EYS: variants seen among roughly 807,000 people sequenced by gnomAD.
The protein encoded by EYS is EGF-like photoreceptor maintenance factor.
Under a neutral mutation model 282.1 loss-of-function variants are expected in EYS, and 250 were observed. The ratio of observed to expected loss-of-function variants is 0.89; its 90% confidence interval spans 0.80 to 0.98. The LOEUF (loss-of-function observed/expected upper bound fraction) is 0.98. EYS is among the 50% of genes least tolerant of loss of function. The pLI, the probability that EYS is intolerant of heterozygous loss-of-function variation, is 0.00. For missense variants in EYS, 4,016 were observed against 3,709.0 expected (o/e 1.08, Z -2.15); for synonymous variants, 1,355 against 1,282.9 (o/e 1.06, Z -1.20).
intron 7 of EYS, among the ~76,000 whole-genome samples, chr6:65,390,519 G>C (rs989231448): frequency 7.2e-5 from 11 of 151,784 alleles, no homozygotes; most frequent in Non-Finnish European, 1.3e-4. Flanking sequence ...AGAATGAATA[G>C]TGACCAACTC....
chr6:64,115,386 A>G lies in EYS; in HGVS notation c.6425-33384T>C, dbSNP rs542700740. ...GCGCCACACACCAAACACCACTGCCATCACCACTGTGAGCATGCTCATAAG... is the reference window on the plus strand; with the variant it reads ...GCGCCACACACCAAACACCACTGCCGTCACCACTGTGAGCATGCTCATAAG... On this transcript the variant is annotated intron_variant, in intron 31 of 42. Coordinates refer to ENST00000503581, the MANE Select transcript of EYS (RefSeq NM_001142800.2). Among the ~76,000 whole-genome samples, 48 of 152,236 alleles carry G rather than the reference A, an allele frequency of 3.2e-4. No individual in the cohort carries two copies. In the Middle Eastern group the frequency reaches 0.014, roughly 43 times the overall value.
At position 64,146,281 on chromosome 6, in the gene EYS, CA is replaced by C. The variant is rs534350503; in HGVS notation, c.6425-64280del. Among the ~76,000 whole-genome samples the C allele has an allele frequency of 7.9e-4, 121 of 152,260 alleles. 1 individual carries two copies. The East Asian group carries it at 0.012, about 15-fold the overall frequency. On this transcript the variant is annotated intron_variant, in intron 31 of 42. Transcript: ENST00000503581. ...CACCTGGTATTATGATGAGGAATTA[CA>C]AATAGAAAAGTCATGTCAAAACATG...
chr6:64,570,593 C>A (rs1461539224), intron 26 of EYS, among the ~76,000 whole-genome samples: 1 of 151,882 alleles, frequency 6.6e-6, no homozygotes, highest in Non-Finnish European at 1.5e-5. Flanking sequence ...GAAATATTTA[C>A]CGAGCAAATT....
At chr6:65,024,571 T>A (rs989257075) in intron 13 of EYS, among the ~76,000 whole-genome samples, 2 of 151,998 alleles carry the variant, frequency 1.3e-5, no homozygotes, top group African/African-American at 4.8e-5. Context: ...TCTTCAAAAT[T>A]GTATTTTTGT....
intron 2 of EYS, among the ~76,000 whole-genome samples, chr6:65,593,126 C>T (rs561651759): frequency 3.9e-5 from 6 of 152,034 alleles, no homozygotes; most frequent in Non-Finnish European, 5.9e-5. Flanking sequence ...GTCTCTGATG[C>T]GTAACCATTA....
chr6:64,414,413 G>A (rs918057770), intron 28 of EYS, among the ~76,000 whole-genome samples: 1 of 151,950 alleles, frequency 6.6e-6, no homozygotes, highest in Non-Finnish European at 1.5e-5. Context: ...TCACTTTCCA[G>A]GCAGCCTTGA....
intron 35 of EYS, among the ~76,000 whole-genome samples, chr6:63,972,351 T>C (rs1766616232): frequency 6.6e-6 from 1 of 152,168 alleles, no homozygotes; most frequent in South Asian, 2.1e-4. Context: ...ATTCCCCCTC[T>C]ACACAAATGA....
chr6:65,692,992 A>C (rs1021836393), intron 1 of EYS, among the ~76,000 whole-genome samples: 2 of 150,120 alleles, frequency 1.3e-5, no homozygotes, highest in African/African-American at 4.9e-5. Flanking sequence ...TCAGACATCT[A>C]TTAAGCAAAT....
chr6:65,095,848 A>G (rs1774722994), intron 12 of EYS, among the ~76,000 whole-genome samples: 1 of 150,684 alleles, frequency 6.6e-6, no homozygotes, highest in Admixed American at 6.6e-5. Flanking sequence ...ATAATATTCA[A>G]GGGCAAAAAA....
chr6:64,951,319 CA>C (rs1769500727), intron 14 of EYS, among the ~76,000 whole-genome samples: 1 of 151,690 alleles, frequency 6.6e-6, no homozygotes, highest in Admixed American at 6.6e-5. Flanking sequence ...AGCAAAAAAA[CA>C]AAAACAAAAA....
intron 31 of EYS, among the ~76,000 whole-genome samples, chr6:64,131,489 C>T (rs1224521199): frequency 6.6e-6 from 1 of 152,110 alleles, no homozygotes; most frequent in African/African-American, 2.4e-5. Flanking sequence ...GCTGTACAGC[C>T]TCACATTGCC....
chr6:65,126,483 T>C (rs929267156), intron 12 of EYS, among the ~76,000 whole-genome samples: 4 of 152,164 alleles, frequency 2.6e-5, no homozygotes, highest in South Asian at 2.1e-4. Context: ...TCTAATTCTT[T>C]GTTGCATGTA....
At chr6:65,560,684 A>G (rs1169226274) in intron 2 of EYS, among the ~76,000 whole-genome samples, 4 of 152,000 alleles carry the variant, frequency 2.6e-5, no homozygotes, top group Non-Finnish European at 4.4e-5. Flanking sequence ...AAAAGCACAC[A>G]ACTTTTAAGT....
rs188531326 is a variant in EYS at position 65,231,015 on chromosome 6, A to G, written c.2023+64848T>C. Among the ~76,000 whole-genome samples, 770 of 148,810 alleles carry G rather than the reference A, an allele frequency of 5.2e-3. 6 individuals are homozygous for G. Among genetic ancestry groups the G allele is most frequent in the African/African-American group, 0.018 (738 of 40,938 alleles). ...AAACCTCCATGATACTAGTTTACCT[A>G]TGTAACAAACCTGCACTTGTACCCC... On this transcript the variant is annotated intron_variant, in intron 12 of 42. Transcript: ENST00000503581.
At chr6:64,918,768 C>T (rs927813906) in intron 15 of EYS, among the ~76,000 whole-genome samples, 3 of 151,970 alleles carry the variant, frequency 2.0e-5, no homozygotes, top group African/African-American at 7.3e-5. Context: ...CAGATGACAA[C>T]GATGGAAATA....
At chr6:65,221,620 C>T (rs1766467950) in intron 12 of EYS, among the ~76,000 whole-genome samples, 1 of 152,196 alleles carries the variant, frequency 6.6e-6, no homozygotes, top group African/African-American at 2.4e-5. Context: ...TCTGCTAGGT[C>T]AGTGTGGAAG....
chr6:63,892,478 G>A (rs1773434537), intron 35 of EYS, among the ~76,000 whole-genome samples: 1 of 152,194 alleles, frequency 6.6e-6, no homozygotes, highest in Non-Finnish European at 1.5e-5. Flanking sequence ...AAGCAATGGG[G>A]AAAGGATTCC....
intron 14 of EYS, among the ~76,000 whole-genome samples, chr6:64,995,584 G>T (rs964403638): frequency 2.6e-5 from 4 of 152,036 alleles, no homozygotes; most frequent in African/African-American, 4.8e-5. Flanking sequence ...TGACATTTCT[G>T]TTCTTGAAGT....
At chr6:64,659,576 T>C (rs1768912575) in intron 22 of EYS, among the ~76,000 whole-genome samples, 1 of 151,954 alleles carries the variant, frequency 6.6e-6, no homozygotes, top group South Asian at 2.1e-4. Context: ...CCCACAGAAA[T>C]ACAAACTACC....
Sources: gnomAD v4.1 joint callset for allele counts (sites outside exome capture counted in the v4.1 genomes callset) on GRCh38, gnomAD v4.1.1 for gene constraint, MANE v1.5 for transcripts, NCBI Gene and HGNC (gene_info 2026-07-23, HGNC 2026-07-21) for gene names.